DYNC2H1: variants seen among roughly 807,000 people sequenced by gnomAD.
The protein encoded by DYNC2H1 is cytoplasmic dynein 2 heavy chain 1.
In DYNC2H1, 410 loss-of-function variants were observed where a neutral mutation model predicts 570.0. That is an observed-to-expected ratio of 0.72 (90% CI 0.66 to 0.78). DYNC2H1 has a LOEUF of 0.78. Among genes scored for constraint, DYNC2H1 ranks in the 30% least tolerant of loss-of-function variants. DYNC2H1 has a pLI of 0.00. For synonymous variants in DYNC2H1, 1,688 were observed against 1,677.6 expected (o/e 1.01, Z -0.15); for missense variants, 4,865 against 5,046.4 (o/e 0.96, Z 1.09).
rs117124716 is a variant in DYNC2H1, at chr11:103,313,431, C to T, written c.11649+1398C>T. 9.7e-3 allele frequency among the ~76,000 whole-genome samples: 1,471 copies of T among 152,284 alleles called. 16 individuals carry two copies. The highest frequency in any genetic ancestry group is 0.016 in the Non-Finnish European group (1,055 of 68,016). On this transcript the variant is annotated intron_variant, in intron 79 of 88. Coordinates refer to ENST00000375735, the MANE Select transcript of DYNC2H1 (RefSeq NM_001377.3). ...CTCAGCTGTAAATTGCATCACTCTT[C>T]CATCTTTAAATTTTTCCCATCCTCT...
intron 83 of DYNC2H1, among the ~76,000 whole-genome samples, chr11:103,397,750 C>G (rs919761722): frequency 1.3e-5 from 2 of 152,084 alleles, no homozygotes; most frequent in Non-Finnish European, 2.9e-5. Context: ...CAAAAATTAG[C>G]TGGGTGTGGT....
rs1861863240 is a variant in DYNC2H1, at chr11:103,177,281, A to C, written c.5875-275A>C. On this transcript the variant is annotated intron_variant, in intron 37 of 88. Coordinates refer to ENST00000375735, the MANE Select transcript of DYNC2H1 (RefSeq NM_001377.3). The surrounding 1 kb of genome is among the most constrained non-coding windows in gnomAD (Gnocchi z 4.4). ...TATATTTGAATGAGTGAATGAGTGGAGCAAGTAACGAACATAATTGTTCAT... is the reference window on the plus strand; with the variant it reads ...TATATTTGAATGAGTGAATGAGTGGCGCAAGTAACGAACATAATTGTTCAT... Among the ~76,000 whole-genome samples the C allele has an allele frequency of 6.6e-6, 1 of 152,186 alleles. No individual in the cohort carries two copies. Among genetic ancestry groups the C allele is most frequent in the Non-Finnish European group, 1.5e-5 (1 of 68,032 alleles).
Position 103,336,632 on chromosome 11 carries a change from A to C in DYNC2H1, c.12039+12642A>C, listed in dbSNP as rs538168960. On this transcript the variant is annotated intron_variant, in intron 82 of 88. Coordinates refer to ENST00000375735, the MANE Select transcript of DYNC2H1 (RefSeq NM_001377.3). ...ACTATCCATGTTGTTGCAAGTGACA[A>C]GATTTTATTCTTTGTTATGGTGAAA... Among the ~76,000 whole-genome samples the C allele has an allele frequency of 2.0e-3, 309 of 152,288 alleles. 3 individuals are homozygous for C. The highest frequency in any genetic ancestry group is 3.1e-3 in the South Asian group (15 of 4,818).
At chr11:103,332,802 G>GAT (rs1377597927) in intron 82 of DYNC2H1, among the ~76,000 whole-genome samples, 1 of 152,146 alleles carries the variant, frequency 6.6e-6, no homozygotes, top group East Asian at 1.9e-4. Context: ...AGGAGTTCGA[G>GAT]ATCCCCCTGG....
intron 54 of DYNC2H1, among the ~76,000 whole-genome samples, chr11:103,213,496 AT>A (rs1385536889): frequency 6.6e-6 from 1 of 151,976 alleles, no homozygotes; most frequent in Non-Finnish European, 1.5e-5. Flanking sequence ...AATGTTATAT[AT>A]AATGATAATT....
chr11:103,247,205 C>G (rs945234165), intron 65 of DYNC2H1, among the ~76,000 whole-genome samples: 7 of 152,002 alleles, frequency 4.6e-5, no homozygotes, highest in Non-Finnish European at 1.0e-4. Flanking sequence ...ATTAAGCATT[C>G]TAATCCTTTA....
At chr11:103,342,612 C>A (rs551759947) in intron 82 of DYNC2H1, among the ~76,000 whole-genome samples, 3 of 151,854 alleles carry the variant, frequency 2.0e-5, no homozygotes, top group Non-Finnish European at 4.4e-5. Flanking sequence ...AAGTGATTCT[C>A]CTGCCTCAGC....
chr11:103,405,752 C>G (rs1332494745), intron 84 of DYNC2H1: 1 of 151,962 alleles, frequency 6.6e-6, no homozygotes, highest in Non-Finnish European at 1.5e-5. Flanking sequence ...GCGGTGCCCC[C>G]TATTCCCACT....
rs781656937 is a variant in DYNC2H1, at chr11:103,121,333, T to A, written c.1361-39T>A. 13 of 1,546,826 alleles carry A rather than the reference T, an allele frequency of 8.4e-6. No individual in the cohort carries two copies. In the Admixed American group the frequency reaches 1.8e-4, roughly 22 times the overall value. On this transcript the variant is annotated intron_variant, in intron 9 of 88. Transcript: ENST00000375735. ...TGGAAGTTATTTAGGAAATCTTTGC[T>A]AATTCTTTGTAATCATTTATTTGAT...
intron 31 of DYNC2H1, among the ~76,000 whole-genome samples, chr11:103,168,190 G>C (rs1377364952): frequency 6.6e-6 from 1 of 152,104 alleles, no homozygotes; most frequent in Non-Finnish European, 1.5e-5. Context: ...GGGACTTCTG[G>C]GTCCCAGCTG....
intron 84 of DYNC2H1, among the ~76,000 whole-genome samples, chr11:103,411,454 G>C (rs957346374): frequency 6.6e-6 from 1 of 151,274 alleles, no homozygotes; most frequent in Non-Finnish European, 1.5e-5. Context: ...AGGTACTCAT[G>C]ATTAAAATAT....
intron 5 of DYNC2H1, among the ~76,000 whole-genome samples, chr11:103,117,205 GTA>G (rs892691180): frequency 2.2e-4 from 31 of 140,672 alleles, no homozygotes; most frequent in African/African-American, 3.9e-4. Flanking sequence ...TGAGGAAATT[GTA>G]TATATATATA....
At chr11:103,467,274 A>T (rs1457505872) in intron 87 of DYNC2H1, among the ~76,000 whole-genome samples, 2 of 152,212 alleles carry the variant, frequency 1.3e-5, no homozygotes, top group Admixed American at 6.5e-5. Context: ...TTATATTATC[A>T]TCCCAGCTCT....
intron 47 of DYNC2H1, among the ~76,000 whole-genome samples, chr11:103,195,113 G>A (rs12280304): frequency 1.3e-5 from 2 of 152,176 alleles, no homozygotes; most frequent in Admixed American, 1.3e-4. Flanking sequence ...CTCCCTCTCA[G>A]TAGGCTTGTC....
chr11:103,232,221 G>A (rs1370768358), intron 60 of DYNC2H1, among the ~76,000 whole-genome samples: 1 of 151,860 alleles, frequency 6.6e-6, no homozygotes, highest in Admixed American at 6.6e-5. Context: ...GCTGTGTTAG[G>A]TGTTATACTG....
intron 85 of DYNC2H1, among the ~76,000 whole-genome samples, chr11:103,441,698 A>G (rs1240502641): frequency 6.6e-6 from 1 of 152,130 alleles, no homozygotes; most frequent in East Asian, 1.9e-4. Context: ...GTAGTATTTC[A>G]TTATCTATTT....
In DYNC2H1 at chr11:103,198,479, G is replaced by T. The variant is rs1179466300; in HGVS notation, c.7839+416G>T. Among the ~76,000 whole-genome samples, 5 of 152,136 alleles carry T rather than the reference G, an allele frequency of 3.3e-5. No individual in the cohort carries two copies. The South Asian group carries it at 1.0e-3, about 32-fold the overall frequency. ...TAAGAGGCTCCCAGATGATGTTGAT[G>T]CTGCTGGTCCACTGAAACTTTGAGT... is the stretch of plus-strand genomic sequence containing the variant. On this transcript the variant is annotated intron_variant, in intron 48 of 88. Coordinates refer to ENST00000375735, the MANE Select transcript of DYNC2H1 (RefSeq NM_001377.3).
chr11:103,185,104 T>G lies in DYNC2H1; in HGVS notation c.6633+53T>G, dbSNP rs1862015640. The G allele has an allele frequency of 6.6e-7, 1 of 1,517,682 alleles. No homozygotes were observed. The highest frequency in any genetic ancestry group is 1.4e-5 in the African/African-American group (1 of 72,840). 94.0% of individuals were successfully genotyped at this position (1,517,682 alleles called of 1,614,324 possible). A position where few individuals can be genotyped will look rare whatever the true frequency, so the allele number is the denominator to read the frequency against. ...GTCAAAACTTTAACTTTTCATTAAC[T>G]CTTAACTGCCAAAACACAATGATTT... On this transcript the variant is annotated intron_variant, in intron 41 of 88. Transcript: ENST00000375735. The surrounding 1 kb of genome is among the most constrained non-coding windows in gnomAD (Gnocchi z 4.5).
intron 55 of DYNC2H1, among the ~76,000 whole-genome samples, chr11:103,217,066 C>A (rs1410750508): frequency 6.6e-6 from 1 of 152,106 alleles, no homozygotes; most frequent in East Asian, 1.9e-4. Context: ...TCCCCATCTC[C>A]CTCTTGGTAA....
Sources: allele counts gnomAD v4.1 joint callset (sites outside exome capture counted in the v4.1 genomes callset), GRCh38; gene constraint gnomAD v4.1.1; non-coding constraint Gnocchi (gnomAD v3.1); transcripts MANE v1.5; gene names NCBI Gene and HGNC (gene_info 2026-07-23, HGNC 2026-07-21).